LRRTM4: variants seen among roughly 807,000 people sequenced by gnomAD.
LRRTM4 encodes leucine rich repeat transmembrane neuronal 4.
LRRTM4 carries 25 observed loss-of-function variants against 47.6 expected under a neutral mutation model. That is an observed-to-expected ratio of 0.53 (90% CI 0.38 to 0.73). LRRTM4 has a LOEUF of 0.73. LRRTM4 is among the 30% of genes least tolerant of loss of function. The pLI, the probability that LRRTM4 is intolerant of heterozygous loss-of-function variation, is 0.00. For missense variants in LRRTM4, 638 were observed against 713.4 expected (o/e 0.89, Z 1.20); for synonymous variants, 311 against 269.5 (o/e 1.15, Z -1.51).
At chr2:77,464,291 T>C (rs1011902870) in intron 3 of LRRTM4, among the ~76,000 whole-genome samples, 1 of 152,138 alleles carries the variant, frequency 6.6e-6, no homozygotes, top group African/African-American at 2.4e-5. Context: ...AATCACTTTC[T>C]ATAGATTTCT....
At chr2:77,135,788 T>C (rs1005034516) in intron 3 of LRRTM4, among the ~76,000 whole-genome samples, 1 of 152,062 alleles carries the variant, frequency 6.6e-6, no homozygotes, top group Non-Finnish European at 1.5e-5. Context: ...CCCCTGAAAC[T>C]AACTACTACA....
intron 3 of LRRTM4, among the ~76,000 whole-genome samples, chr2:77,011,045 G>C (rs915299790): frequency 5.3e-5 from 8 of 152,028 alleles, no homozygotes; most frequent in African/African-American, 1.9e-4. Flanking sequence ...CAGACAGTCA[G>C]AAGTACTATG....
At chr2:76,983,519 G>C (rs558143714) in intron 3 of LRRTM4, among the ~76,000 whole-genome samples, 1 of 152,106 alleles carries the variant, frequency 6.6e-6, no homozygotes, top group South Asian at 2.1e-4. Context: ...ACATGCCTTT[G>C]CTGCTCCTTC....
chr2:77,018,689 G>A (rs1678161112), intron 3 of LRRTM4, among the ~76,000 whole-genome samples: 1 of 152,132 alleles, frequency 6.6e-6, no homozygotes, highest in African/African-American at 2.4e-5. Context: ...CAGAAGTACA[G>A]CTGAAGGTTT....
intron 3 of LRRTM4, among the ~76,000 whole-genome samples, chr2:77,078,702 C>T (rs1680430997): frequency 6.6e-6 from 1 of 152,122 alleles, no homozygotes; most frequent in Admixed American, 6.5e-5. Flanking sequence ...AAACCTTGTC[C>T]AGCAAGCAAA....
chr2:76,824,571 T>G (rs1030552463), intron 3 of LRRTM4, among the ~76,000 whole-genome samples: 1 of 151,620 alleles, frequency 6.6e-6, no homozygotes, highest in Non-Finnish European at 1.5e-5. Context: ...GAGCAAGGCA[T>G]GATATCTGTC....
rs117158076 is a variant in LRRTM4 at position 77,497,453 on chromosome 2, G to A, written c.1551+20865C>T. 7.1e-4 allele frequency among the ~76,000 whole-genome samples: 107 copies of A among 150,848 alleles called. 1 individual carries two copies. In the East Asian group the frequency reaches 0.02, roughly 28 times the overall value. The stretch of plus-strand genomic sequence containing the variant: ...ATATACTGATACAAATTTCCTTTAA[G>A]TTCTGGTTGTGGTTTTGCTATTGTT... On this transcript the variant is annotated intron_variant, in intron 3 of 3. Transcript: ENST00000409884.
intron 3 of LRRTM4, among the ~76,000 whole-genome samples, chr2:77,114,902 C>T (rs573834003): frequency 1.2e-4 from 19 of 152,176 alleles, no homozygotes; most frequent in East Asian, 7.7e-4. Context: ...GTCTATGTCC[C>T]GCTGTGCATG....
intron 3 of LRRTM4, among the ~76,000 whole-genome samples, chr2:76,769,311 A>G (rs573584891): frequency 5.9e-5 from 9 of 152,244 alleles, no homozygotes; most frequent in East Asian, 3.9e-4. Context: ...CTTATTCCCA[A>G]TCACATGTAG....
chr2:76,856,603 AAAAC>A (rs981796729), intron 3 of LRRTM4, among the ~76,000 whole-genome samples: 11 of 152,196 alleles, frequency 7.2e-5, no homozygotes, highest in Admixed American at 3.9e-4. Flanking sequence ...GAAAAAGAAG[AAAAC>A]AATCTAAATG....
chr2:77,432,373 C>T (rs993260305), intron 3 of LRRTM4, among the ~76,000 whole-genome samples: 1 of 152,152 alleles, frequency 6.6e-6, no homozygotes, highest in African/African-American at 2.4e-5. Flanking sequence ...TTAATTTAGG[C>T]AACACAAACA....
At chr2:76,849,873 A>G (rs972991641) in intron 3 of LRRTM4, among the ~76,000 whole-genome samples, 4 of 152,130 alleles carry the variant, frequency 2.6e-5, no homozygotes, top group African/African-American at 7.2e-5. Flanking sequence ...CTTTCATACA[A>G]TGAACTGATG....
chr2:77,431,570 T>A (rs1221112517), intron 3 of LRRTM4, among the ~76,000 whole-genome samples: 1 of 148,944 alleles, frequency 6.7e-6, no homozygotes, highest in East Asian at 1.9e-4. Context: ...CACTCCAGCA[T>A]CAACTCACTC....
chr2:77,493,210 T>A (rs1032085785), intron 3 of LRRTM4, among the ~76,000 whole-genome samples: 2 of 152,002 alleles, frequency 1.3e-5, no homozygotes, highest in Admixed American at 6.6e-5. Flanking sequence ...AAAGGAAATT[T>A]TAAAAACTAA....
chr2:77,215,171 T>C (rs1400593113), intron 3 of LRRTM4, among the ~76,000 whole-genome samples: 1 of 152,116 alleles, frequency 6.6e-6, no homozygotes, highest in African/African-American at 2.4e-5. Flanking sequence ...CCTTTACATT[T>C]TAACTATAAT....
At chr2:77,476,017 C>G (rs1161650542) in intron 3 of LRRTM4, among the ~76,000 whole-genome samples, 3 of 151,994 alleles carry the variant, frequency 2.0e-5, no homozygotes, top group Admixed American at 6.6e-5. Context: ...TTTAAGGTTT[C>G]ATACACAAAG....
At chr2:77,332,665 T>G (rs547231081) in intron 3 of LRRTM4, among the ~76,000 whole-genome samples, 1 of 152,312 alleles carries the variant, frequency 6.6e-6, no homozygotes, top group African/African-American at 2.4e-5. Context: ...GTAATAATAT[T>G]AAAAGTCTGC....
chr2:77,030,857 A>G (rs953922700), intron 3 of LRRTM4, among the ~76,000 whole-genome samples: 21 of 152,192 alleles, frequency 1.4e-4, no homozygotes, highest in Admixed American at 1.2e-3. Context: ...TCTTTTGGCA[A>G]TATTTTGAAG....
At chr2:77,137,368 C>G (rs1256059613) in intron 3 of LRRTM4, among the ~76,000 whole-genome samples, 1 of 151,830 alleles carries the variant, frequency 6.6e-6, no homozygotes, top group Non-Finnish European at 1.5e-5. Context: ...CATATCCAGC[C>G]AAACTAAGCT....
Sources: allele counts gnomAD v4.1 joint callset (sites outside exome capture counted in the v4.1 genomes callset), GRCh38; gene constraint gnomAD v4.1.1; transcripts MANE v1.5; gene names NCBI Gene and HGNC (gene_info 2026-07-23, HGNC 2026-07-21).